The following TMEM132B variants were observed in gnomAD, a reference collection of about 807,000 sequenced individuals.
The protein encoded by TMEM132B is transmembrane protein 132B.
In TMEM132B, 18 loss-of-function variants were observed where a neutral mutation model predicts 90.8. The observed-to-expected ratio is 0.20, with a 90% CI of 0.14 to 0.29. The LOEUF is 0.29. Ranked by LOEUF, TMEM132B falls within the 10% of genes least tolerant of loss-of-function variation. TMEM132B has a pLI of 1.00. For missense variants in TMEM132B, 1,096 were observed against 1,326.8 expected (o/e 0.83, Z 2.70); for synonymous variants, 504 against 523.3 (o/e 0.96, Z 0.50).
intron 3 of TMEM132B, among the ~76,000 whole-genome samples, chr12:125,508,348 T>C (rs925369917): frequency 3.9e-5 from 6 of 152,206 alleles, no homozygotes; most frequent in Non-Finnish European, 7.3e-5. Flanking sequence ...GGTCATCTCA[T>C]TGTTACAGTT....
At chr12:125,496,033 A>G (rs1325902625) in intron 3 of TMEM132B, among the ~76,000 whole-genome samples, 1 of 152,234 alleles carries the variant, frequency 6.6e-6, no homozygotes, top group Non-Finnish European at 1.5e-5. Flanking sequence ...AAGTTGTAAC[A>G]CAACACAATG....
chr12:125,439,560 G>A (rs1163114098), intron 3 of TMEM132B, among the ~76,000 whole-genome samples: 3 of 152,156 alleles, frequency 2.0e-5, no homozygotes, highest in African/African-American at 7.2e-5. Context: ...AGCTGAAGGA[G>A]CTTTTGGGCT....
At chr12:125,541,233 A>G (rs1416962923) in intron 4 of TMEM132B, among the ~76,000 whole-genome samples, 2 of 152,242 alleles carry the variant, frequency 1.3e-5, no homozygotes, top group Admixed American at 6.5e-5. Flanking sequence ...CACCTGGAAC[A>G]GCAGCTGACA....
intron 5 of TMEM132B, among the ~76,000 whole-genome samples, chr12:125,640,028 C>A (rs113106213): frequency 1.3e-5 from 2 of 152,138 alleles, no homozygotes; most frequent in Non-Finnish European, 2.9e-5. Context: ...GTCTGGGCCA[C>A]GGCTGGCTCC....
At chr12:125,626,784 A>G (rs1886244473) in intron 5 of TMEM132B, among the ~76,000 whole-genome samples, 1 of 152,042 alleles carries the variant, frequency 6.6e-6, no homozygotes. Context: ...TGTTTTGTTT[A>G]TAATTGTCCT....
intron 3 of TMEM132B, among the ~76,000 whole-genome samples, chr12:125,482,308 T>C (rs1882067104): frequency 6.6e-6 from 1 of 152,148 alleles, no homozygotes; most frequent in African/African-American, 2.4e-5. Context: ...ACCATCAGAG[T>C]GAACAGGCAA....
chr12:125,260,512 C>T (rs75483833), intron 1 of TMEM132B, among the ~76,000 whole-genome samples: 8,234 of 137,232 alleles, frequency 0.06, 309 homozygotes, highest in African/African-American at 0.11. Context: ...TAAGGTTTAC[C>T]TTTTTTTTTT....
At chr12:125,642,955 G>C (rs1886667913) in intron 5 of TMEM132B, among the ~76,000 whole-genome samples, 2 of 152,116 alleles carry the variant, frequency 1.3e-5, no homozygotes, top group Non-Finnish European at 1.5e-5. Context: ...TGGCGGGGTG[G>C]GTGGCGAGGT....
intron 3 of TMEM132B, among the ~76,000 whole-genome samples, chr12:125,457,820 C>T (rs536344649): frequency 3.9e-5 from 6 of 152,126 alleles, no homozygotes; most frequent in Non-Finnish European, 5.9e-5. Context: ...CAGGTGTACC[C>T]GTCTAGGTGA....
chr12:125,515,876 A>G (rs1361951694), intron 3 of TMEM132B, among the ~76,000 whole-genome samples: 1 of 149,654 alleles, frequency 6.7e-6, no homozygotes, highest in Admixed American at 6.7e-5. Context: ...ACACACACTC[A>G]TAGACATTCT....
At chr12:125,307,876 C>CTTATATATTTATATATACTTATATTAT (rs1876030250) in intron 1 of TMEM132B, among the ~76,000 whole-genome samples, 1 of 41,188 alleles carries the variant, frequency 2.4e-5, no homozygotes, top group Admixed American at 3.3e-4. Context: ...ACTTATATTA[C>CTTATATATTTATATATACTTATATTAT]TTATATACTT....
At chr12:125,310,735 A>G (rs1287358121) in intron 1 of TMEM132B, among the ~76,000 whole-genome samples, 7 of 151,884 alleles carry the variant, frequency 4.6e-5, no homozygotes, top group Admixed American at 1.3e-4. Flanking sequence ...CTCCCCCCCA[A>G]CAACACCCCC....
Position 125,498,671 on chromosome 12 carries a change from C to A in TMEM132B, c.1107-20768C>A, listed in dbSNP as rs1286370472. Among the ~76,000 whole-genome samples the A allele has an allele frequency of 6.6e-6, 1 of 152,182 alleles. No individual in the cohort carries two copies. Among genetic ancestry groups the A allele is most frequent in the East Asian group, 1.9e-4 (1 of 5,186 alleles). ...TACCCCCTGATTCTAGTTGGAAAGA[C>A]CAGCTTACACTCCAGGCTGCGGGGT... On this transcript the variant is annotated intron_variant, in intron 3 of 8. Transcript: ENST00000682704. The surrounding 1 kb of genome is among the most constrained non-coding windows in gnomAD (Gnocchi z 4.5).
intron 1 of TMEM132B, among the ~76,000 whole-genome samples, chr12:125,238,387 C>CAAA (rs1565981391): frequency 7.3e-6 from 1 of 137,652 alleles, no homozygotes; most frequent in South Asian, 2.3e-4. Flanking sequence ...CAAAAAAAAA[C>CAAA]CAAAAAAACA....
At chr12:125,324,381 G>T (rs373530142) in intron 1 of TMEM132B, among the ~76,000 whole-genome samples, 2 of 152,190 alleles carry the variant, frequency 1.3e-5, no homozygotes, top group Non-Finnish European at 2.9e-5. Context: ...CACGTCACGC[G>T]TGTGCAGGTA....
chr12:125,432,564 G>GAGTGTT (rs1880572098), intron 3 of TMEM132B, among the ~76,000 whole-genome samples: 1 of 139,362 alleles, frequency 7.2e-6, no homozygotes, highest in Non-Finnish European at 1.5e-5. Context: ...GAGAGAGAGA[G>GAGTGTT]AGAAAGAGAG....
chr12:125,595,279 T>C (rs1885414560), intron 5 of TMEM132B, among the ~76,000 whole-genome samples: 2 of 152,170 alleles, frequency 1.3e-5, no homozygotes, highest in Admixed American at 6.5e-5. Flanking sequence ...AGGTGCTCTA[T>C]GAATAGACTT....
At chr12:125,516,418 C>A (rs1842818033) in intron 3 of TMEM132B, among the ~76,000 whole-genome samples, 1 of 152,158 alleles carries the variant, frequency 6.6e-6, no homozygotes, top group African/African-American at 2.4e-5. Flanking sequence ...ATGCCCATTG[C>A]CTAAAAGTAT....
intron 4 of TMEM132B, among the ~76,000 whole-genome samples, chr12:125,574,634 G>A (rs751194156): frequency 1.3e-5 from 2 of 152,090 alleles, no homozygotes; most frequent in African/African-American, 2.4e-5. Flanking sequence ...CTGCTCACTC[G>A]CTGATGTAAG....
Sources: allele counts gnomAD v4.1 joint callset (sites outside exome capture counted in the v4.1 genomes callset), GRCh38; gene constraint gnomAD v4.1.1; non-coding constraint Gnocchi (gnomAD v3.1); transcripts MANE v1.5; gene names NCBI Gene and HGNC (gene_info 2026-07-23, HGNC 2026-07-21).